The following RHOBTB1 variants were observed in gnomAD, a reference collection of about 807,000 sequenced individuals.
The protein encoded by RHOBTB1 is rho-related BTB domain-containing protein 1.
In RHOBTB1, 40 loss-of-function variants were observed where a neutral mutation model predicts 71.6. The ratio of observed to expected loss-of-function variants is 0.56; its 90% CI spans 0.43 to 0.73. The LOEUF is 0.73. RHOBTB1 is among the 30% of genes least tolerant of loss of function. The pLI, the probability that RHOBTB1 is intolerant of heterozygous loss-of-function variation, is 0.00. For missense variants in RHOBTB1, 797 were observed against 894.0 expected (o/e 0.89, Z 1.38); for synonymous variants, 319 against 334.9 (o/e 0.95, Z 0.52).
At chr10:60,919,748 C>T (rs2083455755) in intron 2 of RHOBTB1, among the ~76,000 whole-genome samples, 2 of 152,210 alleles carry the variant, frequency 1.3e-5, no homozygotes, top group Admixed American at 1.3e-4. Context: ...CTTTTTACTA[C>T]ATCCGCTCAT....
intron 2 of RHOBTB1, among the ~76,000 whole-genome samples, chr10:60,933,159 A>G (rs1236089141): frequency 6.6e-6 from 1 of 152,204 alleles, no homozygotes; most frequent in Non-Finnish European, 1.5e-5. Context: ...ATTTGAAGTT[A>G]TTGGCTAATA....
At chr10:60,931,646 T>C (rs1054542841) in intron 2 of RHOBTB1, among the ~76,000 whole-genome samples, 1 of 152,180 alleles carries the variant, frequency 6.6e-6, no homozygotes, top group East Asian at 1.9e-4. Context: ...AGTACACTTA[T>C]ACAACCCAAT....
At position 60,886,723 on chromosome 10, in the gene RHOBTB1, G is replaced by GT. The variant is rs796269571; in HGVS notation, c.1457-494_1457-493insA. 1.8e-3 allele frequency among the ~76,000 whole-genome samples: 258 copies of GT among 142,410 alleles called. 5 individuals are homozygous for GT. The highest frequency in any genetic ancestry group is 0.016 in the East Asian group (66 of 4,064). 93.4% of individuals were successfully genotyped at this position (142,410 alleles called of 152,430 possible). A position where few individuals can be genotyped will look rare whatever the true frequency, so the allele number is the denominator to read the frequency against. On this transcript the variant is annotated intron_variant, in intron 6 of 10. Coordinates refer to ENST00000337910, the MANE Select transcript of RHOBTB1 (RefSeq NM_014836.5). ...CTGTTTTTTTTAAGAGATGTGGGGG[G>GT]GGGTGGGTCTGGCTATGTTGTCCAG...
chr10:60,895,160 G>A (rs1326669844), intron 4 of RHOBTB1, among the ~76,000 whole-genome samples: 1 of 152,192 alleles, frequency 6.6e-6, no homozygotes, highest in African/African-American at 2.4e-5. Context: ...TGCATGAAAT[G>A]CCATTGGAAA....
At chr10:60,985,413 C>A (rs2086629839) in intron 2 of RHOBTB1, among the ~76,000 whole-genome samples, 1 of 152,172 alleles carries the variant, frequency 6.6e-6, no homozygotes, top group Non-Finnish European at 1.5e-5. Flanking sequence ...GGCGGATGCT[C>A]CAAGCTAAGG....
intron 1 of RHOBTB1, among the ~76,000 whole-genome samples, chr10:60,990,929 A>T (rs1030378500): frequency 3.3e-5 from 5 of 152,126 alleles, no homozygotes; most frequent in Admixed American, 6.6e-5. Flanking sequence ...AACTCAACAC[A>T]TCCAACACTG....
chr10:60,969,694 G>T (rs1275022039), intron 2 of RHOBTB1, among the ~76,000 whole-genome samples: 1 of 152,124 alleles, frequency 6.6e-6, no homozygotes, highest in Non-Finnish European at 1.5e-5. Flanking sequence ...GTTGTCAGAA[G>T]AGTTTAGGAT....
At chr10:60,862,978 G>A in the RHOBTB1 span, among the ~76,000 whole-genome samples, 2 of 151,624 alleles carry the variant, frequency 1.3e-5, no homozygotes, top group Non-Finnish European at 2.9e-5. Flanking sequence ...AAAAACCCAT[G>A]GAAATCAGGC....
chr10:60,929,152 G>C (rs188066423), intron 2 of RHOBTB1, among the ~76,000 whole-genome samples: 23 of 152,262 alleles, frequency 1.5e-4, no homozygotes, highest in African/African-American at 4.6e-4. Context: ...CCTTCAACAT[G>C]TGGGGATTAT....
At chr10:60,875,086 G>A (rs772618354) in intron 8 of RHOBTB1, 44 bp from the exon 9 acceptor site, 17 of 1,461,726 alleles carry the variant, frequency 1.2e-5, no homozygotes, top group Non-Finnish European at 1.4e-5. Flanking sequence ...ACCACGCCCT[G>A]CGAGCCAGGT....
intron 4 of RHOBTB1, among the ~76,000 whole-genome samples, chr10:60,904,140 C>CTA (rs2082546219): frequency 3.9e-5 from 6 of 151,938 alleles, no homozygotes; most frequent in Admixed American, 3.9e-4. Flanking sequence ...AGAGATGGGG[C>CTA]TACACCATGT....
chr10:60,922,167 C>G (rs956434534), intron 2 of RHOBTB1, among the ~76,000 whole-genome samples: 4 of 152,146 alleles, frequency 2.6e-5, no homozygotes, highest in Non-Finnish European at 5.9e-5. Flanking sequence ...ATTCTCAGCG[C>G]TTTTTGGTGA....
intron 2 of RHOBTB1, among the ~76,000 whole-genome samples, chr10:60,983,973 C>T (rs886581481): frequency 6.6e-6 from 1 of 152,188 alleles, no homozygotes; most frequent in African/African-American, 2.4e-5. Flanking sequence ...TTATCACTTA[C>T]GTACTTTAAT....
intron 2 of RHOBTB1, among the ~76,000 whole-genome samples, chr10:60,929,250 A>G (rs2084083258): frequency 6.6e-6 from 1 of 152,200 alleles, no homozygotes; most frequent in Non-Finnish European, 1.5e-5. Flanking sequence ...TTATGTTTGT[A>G]GCAAAATATC....
chr10:60,935,310 G>A (rs967717591), intron 2 of RHOBTB1, among the ~76,000 whole-genome samples: 1 of 152,098 alleles, frequency 6.6e-6, no homozygotes, highest in Non-Finnish European at 1.5e-5. Flanking sequence ...GTCAAGATAA[G>A]GGTTACATTG....
At chr10:60,972,460 T>C (rs2086189990) in intron 2 of RHOBTB1, among the ~76,000 whole-genome samples, 1 of 152,062 alleles carries the variant, frequency 6.6e-6, no homozygotes. Flanking sequence ...TCGCATGTTC[T>C]CACTCATAAG....
intron 1 of RHOBTB1, among the ~76,000 whole-genome samples, chr10:60,994,240 G>A (rs1238871588): frequency 1.3e-5 from 2 of 152,076 alleles, no homozygotes; most frequent in Non-Finnish European, 2.9e-5. Flanking sequence ...TGACCTCAGG[G>A]TACTTCTAGT....
chr10:60,910,902 C>T lies in RHOBTB1; in HGVS notation c.281G>A (p.Arg94His), dbSNP rs774295991. The change falls in exon 4 of 11, where the codon CGC becomes CAC. Residue 94 changes from arginine (R) to histidine (H), a missense_variant. Coordinates refer to ENST00000337910, the MANE Select transcript of RHOBTB1 (RefSeq NM_014836.5). ...CTTGGTTTACCTGCCATATGCAAAG[C>T]GTCTGTCTTTGTGATGATCACCAAA... ...DTFGDHHKDR[R>H]FAYGRSDVVV... The T allele has an allele frequency of 2.5e-6, 4 of 1,613,540 alleles. No individual in the cohort carries two copies. Among genetic ancestry groups the T allele is most frequent in the East Asian group, 2.2e-5 (1 of 44,858 alleles).
chr10:60,898,838 C>T (rs1211626851), intron 4 of RHOBTB1, among the ~76,000 whole-genome samples: 1 of 152,186 alleles, frequency 6.6e-6, no homozygotes, highest in African/African-American at 2.4e-5. Flanking sequence ...TCTTCCACCA[C>T]CCTCTGAAAG....
Sources: gnomAD v4.1 joint callset for allele counts (sites outside exome capture counted in the v4.1 genomes callset) on GRCh38, gnomAD v4.1.1 for gene constraint, MANE v1.5 for transcripts, NCBI Gene and HGNC (gene_info 2026-07-23, HGNC 2026-07-21) for gene names.